KCNAB2: variants seen among roughly 807,000 people sequenced by gnomAD.
KCNAB2 encodes potassium voltage-gated channel subfamily A regulatory beta subunit 2, also known as voltage-gated potassium channel subunit beta-2.
KCNAB2 carries 29 observed loss-of-function variants against 63.6 expected under a neutral mutation model. The ratio of observed to expected loss-of-function variants is 0.46; its 90% CI spans 0.34 to 0.62. KCNAB2 has a LOEUF of 0.62. Among genes scored for constraint, KCNAB2 ranks in the 20% least tolerant of loss-of-function variants. The pLI is 0.01. For missense variants in KCNAB2, 359 were observed against 563.9 expected (o/e 0.64, Z 3.68); for synonymous variants, 222 against 224.2 (o/e 0.99, Z 0.09).
chr1:6,076,121 C>T (rs573620708), intron 4 of KCNAB2, among the ~76,000 whole-genome samples: 58 of 152,302 alleles, frequency 3.8e-4, no homozygotes, highest in African/African-American at 1.3e-3. Context: ...TTCTTTGGGC[C>T]GCAGCAGCTG....
intron 1 of KCNAB2, among the ~76,000 whole-genome samples, chr1:6,025,617 CTG>C (rs1285531703): frequency 1.3e-5 from 2 of 152,254 alleles, no homozygotes; most frequent in East Asian, 3.9e-4. Flanking sequence ...GCTGCCCCCT[CTG>C]TGTCCTGGCA....
At chr1:6,033,284 TGG>T (rs746261171), upstream of KCNAB2, among the ~76,000 whole-genome samples, 7 of 132,058 alleles carry the variant, frequency 5.3e-5, no homozygotes, top group Non-Finnish European at 1.2e-4. Context: ...TGTGCGTGTG[TGG>T]GCATGTGGGT....
intron 6 of KCNAB2, chr1:6,085,761 T>A (rs1664646615): frequency 2.3e-5 from 20 of 887,484 alleles, no homozygotes; most frequent in Non-Finnish European, 2.6e-5. Context: ...CGTCTCAGCC[T>A]CTCCGGAGCT....
At chr1:6,041,669 G>T (rs934449064), upstream of KCNAB2, 4 of 624,710 alleles carry the variant, frequency 6.4e-6, no homozygotes, top group South Asian at 7.5e-5. Context: ...CACCGGCTGC[G>T]CTTCCTCAGA....
chr1:6,027,647 T>C (rs544657931), intron 1 of KCNAB2, among the ~76,000 whole-genome samples: 2 of 152,376 alleles, frequency 1.3e-5, no homozygotes, highest in East Asian at 3.8e-4. Flanking sequence ...GGAACAGGCA[T>C]TGAACGTTGC....
chr1:6,072,797 T>TG lies in KCNAB2; in HGVS notation c.262+1dup. ...GCCTGCGGGTCTCCTGCCTGGGACT[T>TG]GGTGAGTGTGGGGGTCCCCTCCGTC... is the stretch of plus-strand genomic sequence containing the variant. On this transcript the variant is annotated frameshift_variant and splice_region_variant, in exon 3 of 16. Coordinates refer to ENST00000378083, the MANE Select transcript of KCNAB2 (RefSeq NM_001199862.2). LOFTEE classifies it high-confidence loss of function. The TG allele has an allele frequency of 6.2e-7, 1 of 1,613,772 alleles. No individual in the cohort carries two copies. Among genetic ancestry groups the TG allele is most frequent in the Non-Finnish European group, 8.5e-7 (1 of 1,179,794 alleles).
intron 1 of KCNAB2, among the ~76,000 whole-genome samples, chr1:6,048,100 A>G (rs540332216): frequency 6.6e-6 from 1 of 152,194 alleles, no homozygotes; most frequent in South Asian, 2.1e-4. Flanking sequence ...CACATCCCCA[A>G]ACTCAGCCTT....
At chr1:6,095,666 G>T in intron 13 of KCNAB2, 42 bp downstream of exon 13, 1 of 1,589,566 alleles carries the variant, frequency 6.3e-7, no homozygotes, top group Non-Finnish European at 8.6e-7. Context: ...CAGGGGATAG[G>T]CATTTTGGAC....
chr1:6,021,210 C>A (rs984800446), intron 1 of KCNAB2, among the ~76,000 whole-genome samples: 12 of 152,102 alleles, frequency 7.9e-5, no homozygotes, highest in Non-Finnish European at 1.8e-4. Flanking sequence ...GTTGCCCAGG[C>A]TGGTCTTAAG....
At chr1:6,043,942 T>C (rs3789563), upstream of KCNAB2, among the ~76,000 whole-genome samples, 80,381 of 152,140 alleles carry the variant, frequency 0.53, 22,088 homozygotes, top group East Asian at 0.77. Flanking sequence ...TGGCTGGGTT[T>C]GTCTCCAAGC....
At chr1:6,068,636 C>T (rs946324622) in intron 2 of KCNAB2, among the ~76,000 whole-genome samples, 1 of 152,178 alleles carries the variant, frequency 6.6e-6, no homozygotes, top group East Asian at 1.9e-4. Context: ...CCTGTGCCAT[C>T]GGGCACCCCC....
chr1:6,097,269 C>G lies in KCNAB2; in HGVS notation c.1070C>G (p.Ala357Gly), dbSNP rs1371245258. The change falls in exon 15 of 16, where the codon GCC (alanine) becomes GGC (glycine). Residue 357 changes from alanine (A) to glycine (G), a missense_variant and splice_region_variant. Ala to Gly is a moderately conservative substitution (Grantham distance 60). This residue lies in a region of KCNAB2 where 271 missense variants were observed against 476.1 expected (regional missense o/e 0.57). Transcript: ENST00000378083. ...LGCTLPQLAI[A>G]WCLRNEGVSS... ...CTCACCTTGGGTCTCGCCGCCACAGCCTGGTGCCTGAGGAATGAGGGAGTC... is the reference window on the plus strand; with the variant it reads ...CTCACCTTGGGTCTCGCCGCCACAGGCTGGTGCCTGAGGAATGAGGGAGTC... The G allele has an allele frequency of 6.5e-7, 1 of 1,544,140 alleles. No homozygotes were observed. Among genetic ancestry groups the G allele is most frequent in the Non-Finnish European group, 8.8e-7 (1 of 1,142,228 alleles).
rs549649516 is a variant in KCNAB2, at chr1:6,015,901, T to A, written c.-53+23113T>A. Among the ~76,000 whole-genome samples, 3 of 152,164 alleles carry A rather than the reference T, an allele frequency of 2.0e-5. No individual in the cohort carries two copies. The South Asian group carries it at 6.2e-4, about 32-fold the overall frequency. On this transcript the variant is annotated intron_variant, in intron 1 of 16. Coordinates refer to the KCNAB2 transcript ENST00000341524. The stretch of plus-strand genomic sequence containing the variant: ...TGTATTTTTTTGTAGAGACGGGGTT[T>A]TACCATGTTGCCCAGACTGGTCTGG...
Position 6,095,418 on chromosome 1 carries a change from G to A in KCNAB2, c.828G>A (p.Gln276=). Residue 276 remains glutamine, a synonymous_variant, in exon 12 of 16, where the codon CAG becomes CAA. Coordinates refer to ENST00000378083, the MANE Select transcript of KCNAB2 (RefSeq NM_001199862.2). ...TCCAGCGTGAGAAAGTGGAGGTGCA[G>A]CTGCCGGAGCTGTTCCACAAGATAG... ...HMFQREKVEV[Q]LPELFHKIGV... is the part of the protein sequence containing the mutation. 6.2e-7 allele frequency: 1 copy of A among 1,613,008 alleles called. No homozygotes were observed. Among genetic ancestry groups the A allele is most frequent in the Non-Finnish European group, 8.5e-7 (1 of 1,180,030 alleles).
At chr1:6,014,562 T>C (rs1166139140) in intron 1 of KCNAB2, among the ~76,000 whole-genome samples, 2 of 152,212 alleles carry the variant, frequency 1.3e-5, no homozygotes, top group African/African-American at 4.8e-5. Flanking sequence ...GACAGCAGCC[T>C]GCGTGGCTCG....
intron 1 of KCNAB2, among the ~76,000 whole-genome samples, chr1:5,995,671 C>A (rs953153371): frequency 6.6e-6 from 1 of 152,156 alleles, no homozygotes; most frequent in Non-Finnish European, 1.5e-5. Context: ...GCACCAGGTC[C>A]GTGGTGGGAT....
At chr1:6,019,986 G>T (rs537153026) in intron 1 of KCNAB2, among the ~76,000 whole-genome samples, 63 of 152,304 alleles carry the variant, frequency 4.1e-4, no homozygotes, top group Non-Finnish European at 7.1e-4. Flanking sequence ...GGACCATGTT[G>T]TCATTTCAGT....
intron 13 of KCNAB2, among the ~76,000 whole-genome samples, 179 bp downstream of exon 13, chr1:6,095,803 C>T (rs527347345): frequency 5.8e-4 from 89 of 152,150 alleles, no homozygotes; most frequent in Non-Finnish European, 8.8e-4. Flanking sequence ...CTGGCCTGAT[C>T]CCATGTGTAG....
intron 4 of KCNAB2, among the ~76,000 whole-genome samples, chr1:6,077,976 G>A (rs889397957): frequency 3.3e-5 from 5 of 152,200 alleles, no homozygotes; most frequent in South Asian, 4.1e-4. Context: ...ACAGCTCTGG[G>A]GTCCAGAGAT....
Sources: allele counts gnomAD v4.1 joint callset (sites outside exome capture counted in the v4.1 genomes callset), GRCh38; gene constraint gnomAD v4.1.1; regional missense constraint gnomAD v4.1.1; transcripts MANE v1.5; gene names NCBI Gene and HGNC (gene_info 2026-07-23, HGNC 2026-07-21).